PWWP2A: variants seen among roughly 807,000 people sequenced by gnomAD.
PWWP2A encodes the protein PWWP domain-containing protein 2A.
PWWP2A carries 18 observed loss-of-function variants against 48.5 expected under a neutral mutation model. That is an observed-to-expected ratio of 0.37 (90% confidence interval 0.26 to 0.55). The LOEUF (loss-of-function observed/expected upper bound fraction) is 0.55, where lower values mean the gene tolerates loss of function less well. Among genes scored for constraint, PWWP2A ranks in the 20% least tolerant of loss-of-function variants. The pLI, the probability that PWWP2A is intolerant of heterozygous loss-of-function variation, is 0.81. For synonymous variants in PWWP2A, 396 were observed against 387.7 expected, an observed-to-expected ratio of 1.02 and a Z score of -0.25; for missense variants, 867 against 976.4, an observed-to-expected ratio of 0.89 and a Z score of 1.49.
In PWWP2A at chr5:160,096,363, TAACTC is replaced by T. The variant is rs1416885490; in HGVS notation, c.585-2303_585-2299del. Among the ~76,000 whole-genome samples the T allele has an allele frequency of 3.9e-5, 6 of 152,204 alleles. No individual in the cohort carries two copies. In the East Asian group the frequency reaches 7.7e-4, roughly 20 times the overall value. On this transcript the variant is annotated intron_variant, in intron 1 of 1. Coordinates refer to ENST00000307063, the MANE Select transcript of PWWP2A (RefSeq NM_001130864.2). Reference sequence around the variant, plus strand: ...ACCAAGTGTTTGCTTCCTGACTACTTAACTCAAAGTAACTTTAAGCATTTAACCCT... The same window carrying T: ...ACCAAGTGTTTGCTTCCTGACTACTTAAAGTAACTTTAAGCATTTAACCCT...
At chr5:160,080,790 G>A (rs1471673053) in intron 2 of PWWP2A, 4 of 1,495,006 alleles carry the variant, frequency 2.7e-6, no homozygotes, top group Non-Finnish European at 3.6e-6. Context: ...AAAAAACCAA[G>A]TTAACAAAAA....
Position 160,119,416 on chromosome 5 carries a change from C to A in PWWP2A, c.-28G>T. ...TCTTCCTAGCTTCTCCCTCCTCCAA[C>A]TCCGGCTGCAGCGGCGGCGGCGACA... On this transcript the variant is annotated 5_prime_UTR_variant, in exon 1 of 2. Coordinates refer to ENST00000307063, the MANE Select transcript of PWWP2A (RefSeq NM_001130864.2). 1 of 1,354,804 alleles carries A rather than the reference C, an allele frequency of 7.4e-7. No homozygotes were observed. The highest frequency in any genetic ancestry group is 9.4e-7 in the Non-Finnish European group (1 of 1,059,308). 83.9% of individuals were successfully genotyped at this position (1,354,804 alleles called of 1,614,324 possible).
downstream of PWWP2A, among the ~76,000 whole-genome samples, chr5:160,072,630 T>C (rs1308692994): frequency 6.6e-6 from 1 of 152,200 alleles, no homozygotes; most frequent in Non-Finnish European, 1.5e-5. Context: ...CTCAGGAGGC[T>C]GAGGCAGGAA....
At chr5:160,071,717 G>A (rs1753743144), downstream of PWWP2A, among the ~76,000 whole-genome samples, 1 of 152,182 alleles carries the variant, frequency 6.6e-6, no homozygotes, top group Non-Finnish European at 1.5e-5. Flanking sequence ...AGGAAAGGCT[G>A]GAGCTGTTGG....
At chr5:160,081,291 T>C (rs1032898073) in intron 2 of PWWP2A, among the ~76,000 whole-genome samples, 2 of 139,930 alleles carry the variant, frequency 1.4e-5, no homozygotes, top group African/African-American at 5.4e-5. Flanking sequence ...CAGGCTGGAG[T>C]GCAGTGGCAC....
chr5:160,107,320 CAA>C (rs888770549), intron 1 of PWWP2A, among the ~76,000 whole-genome samples: 1 of 152,110 alleles, frequency 6.6e-6, no homozygotes, highest in Non-Finnish European at 1.5e-5. Flanking sequence ...AACCACTGCC[CAA>C]AAGTGTTTAG....
In PWWP2A at chr5:160,093,539, C is replaced by T; in HGVS notation, c.1111G>A (p.Val371Met). 1 of 1,613,706 alleles carries T rather than the reference C, an allele frequency of 6.2e-7. No individual in the cohort carries two copies. The highest frequency in any genetic ancestry group is 8.5e-7 in the Non-Finnish European group (1 of 1,179,846). ...CTTTCATTTTGGTTTTTCCCATCCACTTTATGGTCAGTTTTCAGTTTTTTG... is the reference window on the plus strand; with the variant it reads ...CTTTCATTTTGGTTTTTCCCATCCATTTTATGGTCAGTTTTCAGTTTTTTG... ...VNKKLKTDHK[V>M]DGKNQNESQK... The change falls in exon 2 of 2, where the codon GTG becomes ATG. Residue 371 changes from valine to methionine, a missense_variant. Val to Met is a conservative substitution (Grantham distance 21, BLOSUM62 1). Coordinates refer to ENST00000307063, the MANE Select transcript of PWWP2A (RefSeq NM_001130864.2). The surrounding 1 kb of genome is among the most constrained non-coding windows in gnomAD (Gnocchi z 5.8).
the PWWP2A span, chr5:160,049,769 T>C: frequency 1.9e-6 from 2 of 1,056,010 alleles, no homozygotes; most frequent in South Asian, 4.4e-5. Context: ...TTCTGTGCTT[T>C]TGAGGAGCTT....
chr5:160,116,747 C>T (rs2113693184), intron 1 of PWWP2A: 1 of 985,320 alleles, frequency 1.0e-6, no homozygotes, highest in South Asian at 4.7e-5. Context: ...CACTGGCCAT[C>T]TCTTCTGTTT....
chr5:160,077,889 GT>G lies in PWWP2A; in HGVS notation c.*265del, dbSNP rs1450471665. ...TTCTTCATATATAAAATTCAAGTGA[GT>G]TCTTACGTGTGTAATTCACATCATT... On this transcript the variant is annotated 3_prime_UTR_variant, in exon 4 of 4. Coordinates refer to the PWWP2A transcript ENST00000456329. This position sits in a 1 kb window ranked among gnomAD's most constrained non-coding sequence, Gnocchi z 4.2. The G allele has an allele frequency of 2.4e-6, 1 of 412,562 alleles. No individual in the cohort carries two copies. Among genetic ancestry groups the G allele is most frequent in the Non-Finnish European group, 4.4e-6 (1 of 228,022 alleles). The allele number at this position is 412,562 out of a possible 1,614,324, so 25.6% of individuals were successfully genotyped here. A position where few individuals can be genotyped will look rare whatever the true frequency, so the allele number is the denominator to read the frequency against.
rs1427014280 is a variant in PWWP2A at position 160,091,976 on chromosome 5, ATATATACATATATATGTGTG to A, written c.*386_*405del. 4 of 769,858 alleles carry A rather than the reference ATATATACATATATATGTGTG, an allele frequency of 5.2e-6. No individual in the cohort carries two copies. Among genetic ancestry groups the A allele is most frequent in the Non-Finnish European group, 6.3e-6 (4 of 637,596 alleles). 47.7% of individuals were successfully genotyped at this position (769,858 alleles called of 1,614,324 possible). On this transcript the variant is annotated 3_prime_UTR_variant, in exon 2 of 2. Transcript: ENST00000307063. Reference sequence around the variant, plus strand: ...CTGTATTTCATATATATATATGTGTATATATACATATATATGTGTGTATATATACATACACGGATATATAT... The same window carrying A: ...CTGTATTTCATATATATATATGTGTATATATATACATACACGGATATATAT...
At chr5:160,049,761 C>A in the PWWP2A span, 1 of 1,127,062 alleles carries the variant, frequency 8.9e-7, no homozygotes, top group South Asian at 2.1e-5. Context: ...AATTCCATTT[C>A]TGTGCTTTTG....
chr5:160,114,768 TAA>T (rs56276633), intron 1 of PWWP2A, among the ~76,000 whole-genome samples: 82,738 of 128,944 alleles, frequency 0.64, 25,846 homozygotes, highest in East Asian at 0.71. Context: ...GTCTCAAGGG[TAA>T]AAAAAAAAAA....
chr5:160,077,915 T>G lies in PWWP2A; in HGVS notation c.*240A>C, dbSNP rs189491151. The G allele has an allele frequency of 4.5e-4, 209 of 469,500 alleles. 1 individual carries two copies. Among genetic ancestry groups the G allele is most frequent in the African/African-American group, 3.8e-3 (197 of 51,656 alleles). 29.1% of individuals were successfully genotyped at this position (469,500 alleles called of 1,614,324 possible). A position where few individuals can be genotyped will look rare whatever the true frequency, so the allele number is the denominator to read the frequency against. ...TTCTTACGTGTGTAATTCACATCAT[T>G]TTTCTCCTCATCTCATGCATAATTT... On this transcript the variant is annotated 3_prime_UTR_variant, in exon 4 of 4. Coordinates refer to the PWWP2A transcript ENST00000456329. The surrounding 1 kb of genome is among the most constrained non-coding windows in gnomAD (Gnocchi z 4.2).
At chr5:160,050,612 CAG>C in the PWWP2A span, among the ~76,000 whole-genome samples, 4 of 146,466 alleles carry the variant, frequency 2.7e-5, no homozygotes, top group East Asian at 8.0e-4. Context: ...GAACTGGAAA[CAG>C]AGCCAAACAA....
downstream of PWWP2A, among the ~76,000 whole-genome samples, chr5:160,075,609 T>C (rs1753851612): frequency 1.3e-5 from 2 of 151,844 alleles, no homozygotes; most frequent in South Asian, 4.2e-4. Context: ...TTCTGAAGGG[T>C]AGGTTGTTTC....
chr5:160,045,367 A>G, the PWWP2A span, among the ~76,000 whole-genome samples: 3 of 151,882 alleles, frequency 2.0e-5, no homozygotes, highest in African/African-American at 7.3e-5. Flanking sequence ...CATGGTCATT[A>G]TGGATACATG....
intron 1 of PWWP2A, among the ~76,000 whole-genome samples, chr5:160,096,109 ACACCAGGTATTATTCTAG>A (rs1755622945): frequency 6.6e-6 from 1 of 152,222 alleles, no homozygotes; most frequent in Non-Finnish European, 1.5e-5. Context: ...GAGCCAGCAT[ACACCAGGTATTATTCTAG>A]CACCTGAATA....
chr5:160,089,931 C>CT, downstream of PWWP2A: 1 of 985,264 alleles, frequency 1.0e-6, no homozygotes, highest in Non-Finnish European at 1.2e-6. Flanking sequence ...ACAAATTTAT[C>CT]TAAGACATTT....
Sources: allele counts gnomAD v4.1 joint callset (sites outside exome capture counted in the v4.1 genomes callset), GRCh38; gene constraint gnomAD v4.1.1; non-coding constraint Gnocchi (gnomAD v3.1); transcripts MANE v1.5; gene names NCBI Gene and HGNC (gene_info 2026-07-23, HGNC 2026-07-21).